The following AJAP1 variants were observed in gnomAD, a reference collection of about 807,000 sequenced individuals.
AJAP1 encodes adherens junction-associated protein 1.
Under a neutral mutation model 35.0 loss-of-function variants are expected in AJAP1, and 5 were observed. The observed-to-expected ratio is 0.14, with a 90% CI of 0.07 to 0.30. AJAP1 has a LOEUF of 0.30. AJAP1 is among the 10% of genes least tolerant of loss of function. The pLI is 1.00. For synonymous variants in AJAP1, 284 were observed against 249.3 expected, an observed-to-expected ratio of 1.14 and a Z score of -1.31; for missense variants, 586 against 571.0, an observed-to-expected ratio of 1.03 and a Z score of -0.27.
At chr1:4,675,078 G>T (rs916158376) in intron 1 of AJAP1, among the ~76,000 whole-genome samples, 1 of 152,172 alleles carries the variant, frequency 6.6e-6, no homozygotes, top group African/African-American at 2.4e-5. Flanking sequence ...GCGGTGGGGG[G>T]GAAACAGAGC....
chr1:4,758,917 G>C (rs988215144), intron 2 of AJAP1, among the ~76,000 whole-genome samples: 1 of 152,166 alleles, frequency 6.6e-6, no homozygotes, highest in Non-Finnish European at 1.5e-5. Flanking sequence ...CTCTTGCCCC[G>C]AGCTGGATGC....
At chr1:4,665,558 G>T in intron 1 of AJAP1, among the ~76,000 whole-genome samples, 1 of 152,176 alleles carries the variant, frequency 6.6e-6, no homozygotes, top group East Asian at 1.9e-4. Flanking sequence ...TGTTTCTCAG[G>T]CTCTCACCCC....
Position 4,693,876 on chromosome 1 carries a change from C to CCTCACCTCTT in AJAP1, c.30-18022_30-18021insCACCTCTTCT, listed in dbSNP as rs1364587317. Among the ~76,000 whole-genome samples, 1 of 152,162 alleles carries CCTCACCTCTT rather than the reference C, an allele frequency of 6.6e-6. No homozygotes were observed. Among genetic ancestry groups the CCTCACCTCTT allele is most frequent in the Non-Finnish European group, 1.5e-5 (1 of 68,014 alleles). Reference sequence around the variant, plus strand: ...CATTCAGCCATTCAAGGGGGCAGAGCCTTCAGGGCCCCCTCACCTCTTACA... The same window carrying CCTCACCTCTT: ...CATTCAGCCATTCAAGGGGGCAGAGCCTCACCTCTTCTTCAGGGCCCCCTCACCTCTTACA... On this transcript the variant is annotated intron_variant, in intron 1 of 5. Transcript: ENST00000378191. The surrounding 1 kb of genome is among the most constrained non-coding windows in gnomAD (Gnocchi z 4.4).
At chr1:4,754,524 A>C (rs1641385732) in intron 2 of AJAP1, among the ~76,000 whole-genome samples, 1 of 152,068 alleles carries the variant, frequency 6.6e-6, no homozygotes, top group Non-Finnish European at 1.5e-5. Flanking sequence ...CTCCATTCCA[A>C]GCTTCCCAGA....
intron 2 of AJAP1, among the ~76,000 whole-genome samples, chr1:4,729,335 C>G (rs1187024299): frequency 2.6e-5 from 4 of 152,200 alleles, no homozygotes; most frequent in African/African-American, 9.7e-5. Flanking sequence ...GCCTGGGGGT[C>G]CAGCTGGCCA....
At chr1:4,732,154 C>A (rs958456251) in intron 2 of AJAP1, among the ~76,000 whole-genome samples, 5 of 152,256 alleles carry the variant, frequency 3.3e-5, no homozygotes, top group African/African-American at 9.6e-5. Flanking sequence ...TTCAGCCAGC[C>A]CCTCTTGCCC....
chr1:4,748,824 CT>C (rs1641257002), intron 2 of AJAP1, among the ~76,000 whole-genome samples: 1 of 150,702 alleles, frequency 6.6e-6, no homozygotes, highest in South Asian at 2.1e-4. Flanking sequence ...ACCCTGGAGT[CT>C]TTTTGCCTTT....
chr1:4,658,517 G>A (rs1175959926), intron 1 of AJAP1, among the ~76,000 whole-genome samples: 1 of 152,218 alleles, frequency 6.6e-6, no homozygotes, highest in African/African-American at 2.4e-5. Flanking sequence ...GGCTCGCGCC[G>A]ATTTCCAGCT....
chr1:4,689,810 G>C (rs1639697188), intron 1 of AJAP1, among the ~76,000 whole-genome samples: 1 of 152,216 alleles, frequency 6.6e-6, no homozygotes, highest in African/African-American at 2.4e-5. Flanking sequence ...TGGCAGCTGG[G>C]AAACAGCCCC....
chr1:4,745,810 T>G (rs1641174635), intron 2 of AJAP1, among the ~76,000 whole-genome samples: 1 of 152,166 alleles, frequency 6.6e-6, no homozygotes, highest in Admixed American at 6.5e-5. Flanking sequence ...GATGTCCCTC[T>G]GTTGCTGGGG....
At chr1:4,703,431 A>C (rs1168077219) in intron 1 of AJAP1, among the ~76,000 whole-genome samples, 1 of 151,862 alleles carries the variant, frequency 6.6e-6, no homozygotes, top group Non-Finnish European at 1.5e-5. Flanking sequence ...GAGTTGGGGG[A>C]GTCAGAGGTT....
chr1:4,757,026 A>T (rs1641447521), intron 2 of AJAP1, among the ~76,000 whole-genome samples: 1 of 152,020 alleles, frequency 6.6e-6, no homozygotes, highest in African/African-American at 2.4e-5. Context: ...CTGGAATGAG[A>T]TGAGAGCCTG....
chr1:4,725,624 C>T (rs1226999010), intron 2 of AJAP1, among the ~76,000 whole-genome samples: 1 of 152,156 alleles, frequency 6.6e-6, no homozygotes, highest in East Asian at 1.9e-4. Context: ...GAACCGGGGG[C>T]CTCCTGTGCC....
chr1:4,781,556 C>T (rs1642064121), intron 5 of AJAP1, among the ~76,000 whole-genome samples: 1 of 152,238 alleles, frequency 6.6e-6, no homozygotes, highest in Non-Finnish European at 1.5e-5. Context: ...AGCGGGTACC[C>T]CCGCCCCATC....
chr1:4,655,394 A>G lies in AJAP1; in HGVS notation c.-32A>G. 1 of 1,544,786 alleles carries G rather than the reference A, an allele frequency of 6.5e-7. No individual in the cohort carries two copies. The highest frequency in any genetic ancestry group is 8.7e-7 in the Non-Finnish European group (1 of 1,144,876). On this transcript the variant is annotated 5_prime_UTR_variant, in exon 1 of 6. Transcript: ENST00000378191. This position sits in a 1 kb window ranked among gnomAD's most constrained non-coding sequence, Gnocchi z 6.9. ...GCCGCGCAGATGGCCTGGGCGAGCC[A>G]GGTCTGAGGCCCCGCTCCCCGAAAC...
chr1:4,733,959 A>G (rs962414438), intron 2 of AJAP1, among the ~76,000 whole-genome samples: 14 of 151,958 alleles, frequency 9.2e-5, no homozygotes, highest in African/African-American at 3.4e-4. Flanking sequence ...GGGCGGGGGG[A>G]GCTGAATGGA....
chr1:4,661,718 T>G (rs919314943), intron 1 of AJAP1, among the ~76,000 whole-genome samples: 9 of 152,260 alleles, frequency 5.9e-5, no homozygotes, highest in African/African-American at 1.9e-4. Context: ...AAGTCAGCAC[T>G]TCATGGATTT....
intron 1 of AJAP1, among the ~76,000 whole-genome samples, chr1:4,674,116 A>T (rs1257151750): frequency 6.7e-6 from 1 of 150,276 alleles, no homozygotes; most frequent in African/African-American, 2.4e-5. Flanking sequence ...TGGGCATTCT[A>T]TATTTTGGTT....
chr1:4,686,922 T>G (rs879770989), intron 1 of AJAP1, among the ~76,000 whole-genome samples: 1 of 152,198 alleles, frequency 6.6e-6, no homozygotes, highest in Non-Finnish European at 1.5e-5. Context: ...GAATCTCCAC[T>G]TCTGCCGAGG....
Sources: gnomAD v4.1 joint callset for allele counts (sites outside exome capture counted in the v4.1 genomes callset) on GRCh38, gnomAD v4.1.1 for gene constraint, Gnocchi (gnomAD v3.1) non-coding constraint, MANE v1.5 for transcripts, NCBI Gene and HGNC (gene_info 2026-07-23, HGNC 2026-07-21) for gene names.